The following HS6ST3 variants were observed in gnomAD, a reference collection of about 807,000 sequenced individuals.
HS6ST3 encodes heparan sulfate 6-O-sulfotransferase 3.
Under a neutral mutation model 36.7 loss-of-function variants are expected in HS6ST3, and 12 were observed. That is an observed-to-expected ratio of 0.33 (90% CI 0.21 to 0.53). The LOEUF (loss-of-function observed/expected upper bound fraction) is 0.53, where lower values mean the gene tolerates loss of function less well. Ranked by LOEUF, HS6ST3 falls within the 20% of genes least tolerant of loss-of-function variation. HS6ST3 has a pLI of 0.95. For synonymous variants in HS6ST3, 240 were observed against 257.5 expected (o/e 0.93, Z 0.65); for missense variants, 584 against 640.9 (o/e 0.91, Z 0.96).
At chr13:96,420,127 A>C (rs1459037183) in intron 1 of HS6ST3, among the ~76,000 whole-genome samples, 3 of 152,148 alleles carry the variant, frequency 2.0e-5, no homozygotes, top group Non-Finnish European at 4.4e-5. Flanking sequence ...TAAGTTTTCC[A>C]GTCAACAGCA....
chr13:96,343,161 C>T (rs2055138431), intron 1 of HS6ST3, among the ~76,000 whole-genome samples: 1 of 152,180 alleles, frequency 6.6e-6, no homozygotes. Context: ...TATCTTGCTA[C>T]CCTTTATCCC....
At chr13:96,250,993 A>C (rs980241384) in intron 1 of HS6ST3, among the ~76,000 whole-genome samples, 1 of 152,148 alleles carries the variant, frequency 6.6e-6, no homozygotes, top group African/African-American at 2.4e-5. Context: ...TTGGTTTTCT[A>C]GCATTTTGTT....
At chr13:96,221,386 C>T (rs931920554) in intron 1 of HS6ST3, among the ~76,000 whole-genome samples, 1 of 152,146 alleles carries the variant, frequency 6.6e-6, no homozygotes, top group African/African-American at 2.4e-5. Flanking sequence ...GGGGTATTCC[C>T]AGCTATAGAA....
At chr13:96,587,312 A>AT (rs541292492) in intron 1 of HS6ST3, among the ~76,000 whole-genome samples, 33 of 148,234 alleles carry the variant, frequency 2.2e-4, no homozygotes, top group East Asian at 9.9e-4. Context: ...AAATTTTAGG[A>AT]TTTTTTTTTT....
chr13:96,449,495 A>G (rs2055716464), intron 1 of HS6ST3, among the ~76,000 whole-genome samples: 1 of 151,970 alleles, frequency 6.6e-6, no homozygotes, highest in African/African-American at 2.4e-5. Flanking sequence ...CTCTTAGTTT[A>G]CTCCTGGACA....
In HS6ST3 at chr13:96,451,299, A is replaced by G. The variant is rs899719621; in HGVS notation, c.707+359730A>G. ...TTTTACCCTTAAAAAAAGCCAAAATATATTTTTATTTTGAATTTCCAGTAT... is the reference window on the plus strand; with the variant it reads ...TTTTACCCTTAAAAAAAGCCAAAATGTATTTTTATTTTGAATTTCCAGTAT... On this transcript the variant is annotated intron_variant, in intron 1 of 1. Transcript: ENST00000376705. Among the ~76,000 whole-genome samples the G allele has an allele frequency of 4.6e-5, 7 of 152,174 alleles. No homozygotes were observed. In the South Asian group the frequency reaches 1.2e-3, roughly 27 times the overall value.
At chr13:96,411,674 T>C (rs1005892590) in intron 1 of HS6ST3, among the ~76,000 whole-genome samples, 2 of 152,284 alleles carry the variant, frequency 1.3e-5, no homozygotes, top group East Asian at 1.9e-4. Context: ...AGAGAACAGA[T>C]TGGCCGGAAA....
intron 1 of HS6ST3, among the ~76,000 whole-genome samples, chr13:96,670,681 A>G (rs2056680049): frequency 6.6e-6 from 1 of 152,180 alleles, no homozygotes; most frequent in African/African-American, 2.4e-5. Flanking sequence ...GATTTAATCA[A>G]ATAAAATATT....
intron 1 of HS6ST3, among the ~76,000 whole-genome samples, chr13:96,439,118 C>T (rs1293995613): frequency 6.6e-6 from 1 of 151,758 alleles, no homozygotes; most frequent in Non-Finnish European, 1.5e-5. Flanking sequence ...CGCTAGAGAT[C>T]ATCTATTAGA....
At chr13:96,097,085 T>C (rs2053794837) in intron 1 of HS6ST3, among the ~76,000 whole-genome samples, 1 of 152,190 alleles carries the variant, frequency 6.6e-6, no homozygotes, top group Non-Finnish European at 1.5e-5. Context: ...GAGGTTAAAT[T>C]AAACCCTGTC....
chr13:96,287,837 G>C (rs977561058), intron 1 of HS6ST3, among the ~76,000 whole-genome samples: 3 of 151,924 alleles, frequency 2.0e-5, no homozygotes, highest in Non-Finnish European at 4.4e-5. Flanking sequence ...ACATTTAGTT[G>C]CTATGTGCTA....
At chr13:96,624,503 A>G (rs2056505578) in intron 1 of HS6ST3, among the ~76,000 whole-genome samples, 2 of 152,132 alleles carry the variant, frequency 1.3e-5, no homozygotes, top group African/African-American at 4.8e-5. Flanking sequence ...ACAAGGGTAT[A>G]TTGTGTAATG....
rs537568213 is a variant in HS6ST3, at chr13:96,621,924, T to C, written c.708-210566T>C. On this transcript the variant is annotated intron_variant, in intron 1 of 1. Transcript: ENST00000376705. The stretch of plus-strand genomic sequence containing the variant: ...AAAAGATAGAGGTTATTATAGGATT[T>C]TGAGGGATAATGGAGTTGAGGTGAA... 3.3e-5 allele frequency among the ~76,000 whole-genome samples: 5 copies of C among 152,260 alleles called. No individual in the cohort carries two copies. In the South Asian group the frequency reaches 1.0e-3, roughly 32 times the overall value.
intron 1 of HS6ST3, among the ~76,000 whole-genome samples, chr13:96,108,969 C>CTCTATG (rs1400851085): frequency 6.6e-6 from 1 of 151,930 alleles, no homozygotes; most frequent in East Asian, 1.9e-4. Context: ...CTATCTCTAT[C>CTCTATG]TCTATCTCTA....
In HS6ST3 at chr13:96,838,257, A is replaced by G. The variant is rs956194198; in HGVS notation, c.*5059A>G. ...AGTCTCTGTCCTCTAGAACTAGGGC[A>G]GCCTGGAAACATATGGACTATAATT... On this transcript the variant is annotated 3_prime_UTR_variant, in exon 2 of 2. Coordinates refer to ENST00000376705, the MANE Select transcript of HS6ST3 (RefSeq NM_153456.4). 5 of 152,100 alleles carry G rather than the reference A, an allele frequency of 3.3e-5. No individual in the cohort carries two copies. Among genetic ancestry groups the G allele is most frequent in the African/African-American group, 1.2e-4 (5 of 41,460 alleles). 9.4% of individuals were successfully genotyped at this position (152,100 alleles called of 1,614,324 possible). A position where few individuals can be genotyped will look rare whatever the true frequency, so the allele number is the denominator to read the frequency against.
chr13:96,393,264 T>C (rs1366817963), intron 1 of HS6ST3, among the ~76,000 whole-genome samples: 3 of 152,110 alleles, frequency 2.0e-5, no homozygotes, highest in Non-Finnish European at 4.4e-5. Context: ...AAAAGACTAA[T>C]ACACTGGGCT....
At chr13:96,800,298 G>GT (rs796385395) in intron 1 of HS6ST3, among the ~76,000 whole-genome samples, 71 of 143,642 alleles carry the variant, frequency 4.9e-4, no homozygotes, top group Middle Eastern at 7.1e-3. Context: ...GTCCCTCAGT[G>GT]TTTTTTTTTT....
chr13:96,279,658 C>G (rs1346071057), intron 1 of HS6ST3, among the ~76,000 whole-genome samples: 1 of 152,168 alleles, frequency 6.6e-6, no homozygotes, highest in Non-Finnish European at 1.5e-5. Flanking sequence ...AGCTGCTCAT[C>G]TACTTTCTTA....
At chr13:96,252,561 T>G (rs2054612373) in intron 1 of HS6ST3, among the ~76,000 whole-genome samples, 1 of 152,220 alleles carries the variant, frequency 6.6e-6, no homozygotes, top group Non-Finnish European at 1.5e-5. Flanking sequence ...TTCAGTGTTC[T>G]GGTTTCTCCC....
Sources: allele counts gnomAD v4.1 joint callset (sites outside exome capture counted in the v4.1 genomes callset), GRCh38; gene constraint gnomAD v4.1.1; transcripts MANE v1.5; gene names NCBI Gene and HGNC (gene_info 2026-07-23, HGNC 2026-07-21).